Variants in OR52N4 observed in about 807,000 individuals in gnomAD.
The protein encoded by OR52N4 is olfactory receptor family 52 subfamily N member 4, also known as olfactory receptor 52N4.
A neutral mutation model predicts 15.0 loss-of-function variants in OR52N4; 15 were observed. The observed-to-expected ratio is 1.00, with a 90% CI of 0.67 to 1.54. The LOEUF is 1.54. Ranked by LOEUF, OR52N4 falls within the 40% of genes most tolerant of loss-of-function variation. The probability of loss-of-function intolerance (pLI) is 0.00; values close to 1 mark genes in which losing one functional copy is unlikely to be tolerated. For synonymous variants in OR52N4, 143 were observed against 143.7 expected, an observed-to-expected ratio of 1.00 and a Z score of 0.03; for missense variants, 421 against 394.0, an observed-to-expected ratio of 1.07 and a Z score of -0.58.
chr11:5,748,083 C>A, the OR52N4 span, among the ~76,000 whole-genome samples: 1 of 151,910 alleles, frequency 6.6e-6, no homozygotes, highest in East Asian at 1.9e-4. Flanking sequence ...ATAAATCACA[C>A]ACATCTAACA....
At chr11:5,750,327 G>A (rs1854164271), upstream of OR52N4, among the ~76,000 whole-genome samples, 1 of 151,818 alleles carries the variant, frequency 6.6e-6, no homozygotes, top group South Asian at 2.1e-4. Context: ...CCAGGTAATT[G>A]TTCTTTCCAC....
At chr11:5,740,699 C>T in the OR52N4 span, among the ~76,000 whole-genome samples, 1 of 126,412 alleles carries the variant, frequency 7.9e-6, no homozygotes, top group Admixed American at 7.5e-5. Context: ...TCCAGCTACT[C>T]AGGAGGCTGA....
chr11:5,747,590 A>C, the OR52N4 span, among the ~76,000 whole-genome samples: 1 of 152,064 alleles, frequency 6.6e-6, no homozygotes, highest in South Asian at 2.1e-4. Context: ...TTTATACAAC[A>C]ATTAAAAAAG....
chr11:5,726,593 C>T, the OR52N4 span: 7 of 152,386 alleles, frequency 4.6e-5, no homozygotes, highest in East Asian at 1.9e-4. Flanking sequence ...GTGGCTCTCA[C>T]TCCCTGTGTG....
chr11:5,755,839 A>C lies in OR52N4; in HGVS notation c.*133A>C. On this transcript the variant is annotated 3_prime_UTR_variant, in exon 2 of 2. Transcript: ENST00000641350. ...GAGTTTGTTAACTGGTGCATTCTCA[A>C]TAAGTACCTTGGGAATCTCAACATC... 2 of 1,048,928 alleles carry C rather than the reference A, an allele frequency of 1.9e-6. No homozygotes were observed. The highest frequency in any genetic ancestry group is 1.6e-5 in the African/African-American group (1 of 62,266). 65.0% of individuals were successfully genotyped at this position (1,048,928 alleles called of 1,614,324 possible).
the OR52N4 span, among the ~76,000 whole-genome samples, chr11:5,729,268 C>T: frequency 2.6e-5 from 4 of 151,506 alleles, no homozygotes; most frequent in African/African-American, 9.7e-5. Flanking sequence ...TACAGGCACC[C>T]GCCAACACAC....
the OR52N4 span, chr11:5,737,280 C>T: frequency 2.5e-6 from 4 of 1,613,962 alleles, no homozygotes; most frequent in East Asian, 4.5e-5. Flanking sequence ...TCACATCTCA[C>T]CCTCATCCTT....
the OR52N4 span, among the ~76,000 whole-genome samples, chr11:5,732,996 T>C: frequency 6.6e-6 from 1 of 152,270 alleles, no homozygotes; most frequent in East Asian, 1.9e-4. Flanking sequence ...TATTATAAAA[T>C]TTACATCCAG....
the OR52N4 span, among the ~76,000 whole-genome samples, chr11:5,728,733 G>A: frequency 6.6e-6 from 1 of 152,006 alleles, no homozygotes; most frequent in Admixed American, 6.6e-5. Flanking sequence ...TGTTTTATTG[G>A]GACACTTCAA....
the OR52N4 span, chr11:5,734,210 A>G: frequency 4.4e-6 from 2 of 455,978 alleles, no homozygotes; most frequent in African/African-American, 4.0e-5. Flanking sequence ...AGGATCCCAG[A>G]CTGTGAGTCT....
At position 5,755,164 on chromosome 11, in the gene OR52N4, G is replaced by C. The variant is rs745310564; in HGVS notation, c.424G>C (p.Val142Leu). Reference sequence around the variant, plus strand: ...CTATTCAACTATCCTCACCAATCCTGTAATTGCAAAGGTTGGGACTGCCAC... The same window carrying C: ...CTATTCAACTATCCTCACCAATCCTCTAATTGCAAAGGTTGGGACTGCCAC... ...LRYSTILTNP[V>L]IAKVGTATFL... Residue 142 changes from valine to leucine, a missense_variant, in exon 2 of 2, where the codon GTA (valine) becomes CTA (leucine). Transcript: ENST00000641350. The C allele has an allele frequency of 1.3e-4, 208 of 1,614,040 alleles. 2 individuals carry two copies. In the East Asian group the frequency reaches 4.6e-3, roughly 36 times the overall value.
chr11:5,752,063 C>T (rs1215623629), upstream of OR52N4, among the ~76,000 whole-genome samples: 2 of 151,940 alleles, frequency 1.3e-5, no homozygotes, highest in Non-Finnish European at 2.9e-5. Context: ...AATGTCAGTG[C>T]GATATGAGTA....
the OR52N4 span, chr11:5,736,987 G>A: frequency 5.0e-6 from 8 of 1,614,104 alleles, no homozygotes; most frequent in Non-Finnish European, 6.8e-6. Flanking sequence ...CCCTGTTCAT[G>A]GTGCTGAGAA....
rs375554405 is a variant in OR52N4, at chr11:5,754,995, C to A, written c.255C>A (p.Cys85Ter). ...MCSSTIPKALCIFWFHLKDIG... is the reference protein window; with the variant it reads ...MCSSTIPKAL ...CTAGTACAATCCCTAAAGCCCTCTGCATCTTCTGGTTTCATCTCAAGGACA... is the reference window on the plus strand; with the variant it reads ...CTAGTACAATCCCTAAAGCCCTCTGAATCTTCTGGTTTCATCTCAAGGACA... The change falls in exon 2 of 2, where the codon TGC becomes TGA. Residue 85 changes from cysteine to a stop codon, truncating the protein, a stop_gained. Coordinates refer to ENST00000641350, the MANE Select transcript of OR52N4 (RefSeq NM_001005175.5). LOFTEE classifies it high-confidence loss of function. The A allele has an allele frequency of 1.2e-6, 2 of 1,613,880 alleles. No homozygotes were observed. Among genetic ancestry groups the A allele is most frequent in the Non-Finnish European group, 1.7e-6 (2 of 1,179,962 alleles).
rs1307885406 is a variant in OR52N4, at chr11:5,755,799, A to G, written c.*93A>G. ...CATAAAATCTTTCTGGAAGCACTGTATTGATCACAAAATGGAGTTTGTTAA... is the reference window on the plus strand; with the variant it reads ...CATAAAATCTTTCTGGAAGCACTGTGTTGATCACAAAATGGAGTTTGTTAA... On this transcript the variant is annotated 3_prime_UTR_variant, in exon 2 of 2. Transcript: ENST00000641350. 1 of 1,420,576 alleles carries G rather than the reference A, an allele frequency of 7.0e-7. No individual in the cohort carries two copies. Among genetic ancestry groups the G allele is most frequent in the Non-Finnish European group, 9.4e-7 (1 of 1,061,434 alleles). The allele number at this position is 1,420,576 out of a possible 1,614,324, so 88.0% of individuals were successfully genotyped here.
the OR52N4 span, among the ~76,000 whole-genome samples, chr11:5,741,570 C>T: frequency 2.6e-5 from 4 of 152,154 alleles, no homozygotes; most frequent in Admixed American, 1.3e-4. Flanking sequence ...TTCTATGGAA[C>T]GCCCCAGAAA....
At chr11:5,736,985 A>C in the OR52N4 span, 1 of 1,614,060 alleles carries the variant, frequency 6.2e-7, no homozygotes, top group Non-Finnish European at 8.5e-7. Flanking sequence ...TACCCTGTTC[A>C]TGGTGCTGAG....
At chr11:5,730,735 G>C in the OR52N4 span, among the ~76,000 whole-genome samples, 2 of 150,668 alleles carry the variant, frequency 1.3e-5, no homozygotes, top group African/African-American at 4.9e-5. Flanking sequence ...CATAGCAATG[G>C]GGACCATGAA....
the OR52N4 span, among the ~76,000 whole-genome samples, chr11:5,744,055 A>G: frequency 6.6e-6 from 1 of 152,182 alleles, no homozygotes; most frequent in African/African-American, 2.4e-5. Context: ...AAATGATGCC[A>G]CAGAAATATA....
Sources: gnomAD v4.1 joint callset for allele counts (sites outside exome capture counted in the v4.1 genomes callset) on GRCh38, gnomAD v4.1.1 for gene constraint, MANE v1.5 for transcripts, NCBI Gene and HGNC (gene_info 2026-07-23, HGNC 2026-07-21) for gene names.